PRKCQ: variants seen among roughly 807,000 people sequenced by gnomAD.
The protein encoded by PRKCQ is protein kinase C theta, also known as protein kinase C theta type.
In PRKCQ, 41 loss-of-function variants were observed where a neutral mutation model predicts 91.2. The ratio of observed to expected loss-of-function variants is 0.45; its 90% CI spans 0.35 to 0.58. The LOEUF is 0.58. PRKCQ is among the 20% of genes least tolerant of loss of function. The probability of loss-of-function intolerance (pLI) is 0.00; values close to 1 mark genes in which losing one functional copy is unlikely to be tolerated. For missense variants in PRKCQ, 673 were observed against 896.5 expected (o/e 0.75, Z 3.18); for synonymous variants, 307 against 316.9 (o/e 0.97, Z 0.33).
At chr10:6,413,008 A>C in the PRKCQ span, among the ~76,000 whole-genome samples, 2 of 152,140 alleles carry the variant, frequency 1.3e-5, no homozygotes, top group Non-Finnish European at 2.9e-5. Flanking sequence ...GCTGGAGTGC[A>C]GTGGCTCCAT....
At chr10:6,505,114 C>T (rs1032288658) in intron 4 of PRKCQ, among the ~76,000 whole-genome samples, 2 of 152,096 alleles carry the variant, frequency 1.3e-5, no homozygotes, top group Non-Finnish European at 2.9e-5. Context: ...AGGATGGTCT[C>T]GGTCTCCTGA....
At chr10:6,501,268 G>A (rs920720339) in intron 4 of PRKCQ, among the ~76,000 whole-genome samples, 2 of 151,858 alleles carry the variant, frequency 1.3e-5, no homozygotes, top group African/African-American at 2.4e-5. Context: ...AAAAACTCAA[G>A]GAGGTAAAAA....
chr10:6,557,061 C>T (rs1840448314), intron 1 of PRKCQ, among the ~76,000 whole-genome samples: 1 of 152,186 alleles, frequency 6.6e-6, no homozygotes, highest in Non-Finnish European at 1.5e-5. Context: ...TTCTGCCTGT[C>T]TCCCACTCCC....
chr10:6,471,948 G>T (rs1405479727), intron 12 of PRKCQ, among the ~76,000 whole-genome samples: 1 of 152,162 alleles, frequency 6.6e-6, no homozygotes, highest in Non-Finnish European at 1.5e-5. Flanking sequence ...AGATAATATG[G>T]GCCATGAGCC....
In PRKCQ at chr10:6,579,306, TA is replaced by T. The variant is rs561106461; in HGVS notation, c.-10+904del. Among the ~76,000 whole-genome samples the T allele has an allele frequency of 2.4e-3, 372 of 152,250 alleles. 2 individuals carry two copies. Among genetic ancestry groups the T allele is most frequent in the South Asian group, 8.3e-3 (40 of 4,830 alleles). The stretch of plus-strand genomic sequence containing the variant: ...CCTCTTCCCTCCACCTTCTCCAGCC[TA>T]GTCCCCCTCAGCCTGTGCCACTCCT... On this transcript the variant is annotated intron_variant, in intron 1 of 17. Coordinates refer to ENST00000263125, the MANE Select transcript of PRKCQ (RefSeq NM_006257.5).
chr10:6,456,963 G>A (rs1003025175), intron 14 of PRKCQ, 151 bp from the exon 15 acceptor site: 32 of 746,750 alleles, frequency 4.3e-5, no homozygotes, highest in Admixed American at 8.2e-5. Flanking sequence ...CACCAAGTGG[G>A]GTGTAGACAA....
At chr10:6,570,566 TTTTTC>T (rs1368025623) in intron 1 of PRKCQ, among the ~76,000 whole-genome samples, 1 of 150,462 alleles carries the variant, frequency 6.6e-6, no homozygotes, top group Non-Finnish European at 1.5e-5. Context: ...TTTTTTTTTT[TTTTTC>T]TAAGACAGAC....
At chr10:6,399,600 C>A in the PRKCQ span, among the ~76,000 whole-genome samples, 1 of 151,934 alleles carries the variant, frequency 6.6e-6, no homozygotes, top group Non-Finnish European at 1.5e-5. Context: ...CAGAAGAGAG[C>A]AGGGTGAGGA....
intron 16 of PRKCQ, among the ~76,000 whole-genome samples, chr10:6,439,525 T>C (rs1833864514): frequency 1.3e-5 from 2 of 152,086 alleles, no homozygotes; most frequent in Admixed American, 6.6e-5. Context: ...CTGCCTCCCT[T>C]CCACCTCCTC....
chr10:6,505,401 CTCCTTTCTTTCTTTCTTTCCT>C (rs1356146640), intron 4 of PRKCQ, among the ~76,000 whole-genome samples: 2 of 147,318 alleles, frequency 1.4e-5, no homozygotes, highest in African/African-American at 5.3e-5. Context: ...GACACTTTTT[CTCCTTTCTTTCTTTCTTTCCT>C]TCCTTCCTTT....
intron 8 of PRKCQ, among the ~76,000 whole-genome samples, chr10:6,488,102 G>C (rs1211850561): frequency 6.6e-6 from 1 of 152,000 alleles, no homozygotes; most frequent in Admixed American, 6.6e-5. Context: ...AGTAGAGAGT[G>C]TTGTAATAGA....
chr10:6,529,890 G>A (rs922835609), intron 1 of PRKCQ, among the ~76,000 whole-genome samples: 1 of 152,164 alleles, frequency 6.6e-6, no homozygotes, highest in African/African-American at 2.4e-5. Flanking sequence ...TGGCTACGAT[G>A]ATCACACCAC....
chr10:6,427,087 G>GA (rs1188515191), downstream of PRKCQ: 3 of 151,954 alleles, frequency 2.0e-5, no homozygotes, highest in African/African-American at 7.3e-5. Flanking sequence ...TTTGAGGACT[G>GA]ACACAGCAGA....
intron 1 of PRKCQ, among the ~76,000 whole-genome samples, chr10:6,549,779 T>C (rs1840110476): frequency 6.6e-6 from 1 of 151,818 alleles, no homozygotes; most frequent in Non-Finnish European, 1.5e-5. Context: ...TACAGGTGTT[T>C]GCCACCATGC....
At chr10:6,469,495 G>C (rs1044653507) in intron 12 of PRKCQ, among the ~76,000 whole-genome samples, 2 of 152,164 alleles carry the variant, frequency 1.3e-5, no homozygotes, top group African/African-American at 4.8e-5. Context: ...GCCAAAGGGA[G>C]GATTCTAAGT....
At chr10:6,549,389 C>T (rs1840093510) in intron 1 of PRKCQ, among the ~76,000 whole-genome samples, 1 of 152,054 alleles carries the variant, frequency 6.6e-6, no homozygotes, top group South Asian at 2.1e-4. Context: ...TGGACTAAAG[C>T]AAGAAGTCTG....
At chr10:6,524,311 T>C (rs1427456423) in intron 1 of PRKCQ, among the ~76,000 whole-genome samples, 1 of 152,196 alleles carries the variant, frequency 6.6e-6, no homozygotes, top group African/African-American at 2.4e-5. Context: ...AGGACAACTA[T>C]GGTAGTTATC....
chr10:6,450,706 C>T (rs1246452551), intron 15 of PRKCQ, among the ~76,000 whole-genome samples: 5 of 152,116 alleles, frequency 3.3e-5, no homozygotes, highest in Non-Finnish European at 5.9e-5. Flanking sequence ...TGTAAAAGAA[C>T]AGAAATTATA....
chr10:6,544,470 T>C (rs911001006), intron 1 of PRKCQ, among the ~76,000 whole-genome samples: 1 of 152,212 alleles, frequency 6.6e-6, no homozygotes, highest in Non-Finnish European at 1.5e-5. Flanking sequence ...TTAACTCTAA[T>C]TGACTTAGGC....
Sources: allele counts gnomAD v4.1 joint callset (sites outside exome capture counted in the v4.1 genomes callset), GRCh38; gene constraint gnomAD v4.1.1; transcripts MANE v1.5; gene names NCBI Gene and HGNC (gene_info 2026-07-23, HGNC 2026-07-21).